The following RBBP6 variants were observed in gnomAD, a reference collection of about 807,000 sequenced individuals.
RBBP6 encodes the protein RB binding protein 6, ubiquitin ligase.
In RBBP6, 25 loss-of-function variants were observed where a neutral mutation model predicts 167.7. That is an observed-to-expected ratio of 0.15 (90% confidence interval 0.11 to 0.21). RBBP6 has a LOEUF of 0.21. RBBP6 is among the 10% of genes least tolerant of loss of function. RBBP6 has a pLI of 1.00. For missense variants in RBBP6, 1,868 were observed against 2,134.2 expected, an observed-to-expected ratio of 0.88 and a Z score of 2.46; for synonymous variants, 789 against 735.8, an observed-to-expected ratio of 1.07 and a Z score of -1.17.
intron 2 of RBBP6, 134 bp downstream of exon 2, chr16:24,546,396 A>G: frequency 9.1e-7 from 1 of 1,100,162 alleles, no homozygotes; most frequent in Non-Finnish European, 1.2e-6. Flanking sequence ...GACTGTGAGG[A>G]TAGTAGGTTT....
chr16:24,542,476 T>C (rs546463760), intron 1 of RBBP6, among the ~76,000 whole-genome samples: 4 of 146,874 alleles, frequency 2.7e-5, no homozygotes, highest in East Asian at 2.0e-4. Context: ...TTTTTTCCCC[T>C]GAAACAGAGT....
intron 7 of RBBP6, 86 bp downstream of exon 7, chr16:24,556,533 A>G: frequency 7.1e-7 from 1 of 1,410,622 alleles, no homozygotes; most frequent in Non-Finnish European, 9.4e-7. Context: ...TAACTTTGCT[A>G]CTTGGATTCC....
chr16:24,556,104 T>G (rs1218021149), intron 6 of RBBP6, among the ~76,000 whole-genome samples, 187 bp downstream of exon 6: 2 of 152,232 alleles, frequency 1.3e-5, no homozygotes, highest in East Asian at 3.8e-4. Context: ...GGCAAGTTAC[T>G]TGATCTCTAT....
intron 1 of RBBP6, among the ~76,000 whole-genome samples, chr16:24,544,308 G>A (rs891809432): frequency 3.3e-5 from 5 of 152,112 alleles, no homozygotes; most frequent in Non-Finnish European, 5.9e-5. Flanking sequence ...GGGCTATCAT[G>A]AACTGTCCAA....
At chr16:24,560,111 GTTT>G (rs1555472777) in intron 8 of RBBP6, among the ~76,000 whole-genome samples, 1 of 74,006 alleles carries the variant, frequency 1.4e-5, no homozygotes, top group Non-Finnish European at 2.8e-5. Context: ...GACAGTTTTT[GTTT>G]TTTTTTTTTT....
rs1484259808 is a variant in RBBP6 at position 24,569,941 on chromosome 16, T to C, written c.3251T>C (p.Ile1084Thr). ...SSSSSQKDEK[I>T]TGTPRKAHSK... ...TCTTCCTCTCAGAAGGATGAAAAAA[T>C]CACTGGAACCCCCAGAAAAGCTCAC... Residue 1084 changes from isoleucine (I) to threonine (T), a missense_variant, in exon 17 of 18, where the codon ATC becomes ACC. Ile to Thr is a moderately conservative substitution (Grantham distance 89). Transcript: ENST00000319715. The C allele has an allele frequency of 3.1e-6, 5 of 1,601,596 alleles. No homozygotes were observed. The highest frequency in any genetic ancestry group is 2.2e-5 in the East Asian group (1 of 44,782).
chr16:24,550,060 C>T (rs987001525), intron 3 of RBBP6, among the ~76,000 whole-genome samples: 1 of 151,892 alleles, frequency 6.6e-6, no homozygotes. Context: ...CATTTTAATG[C>T]CCAGGCTTGA....
At chr16:24,562,283 C>T (rs781454165) in intron 10 of RBBP6, 122 bp downstream of exon 10, 14 of 923,992 alleles carry the variant, frequency 1.5e-5, no homozygotes, top group Non-Finnish European at 2.3e-5. Context: ...TGTGGGATGA[C>T]TTGTAAGAAG....
intron 1 of RBBP6, among the ~76,000 whole-genome samples, chr16:24,545,716 T>C (rs1335711115): frequency 6.6e-6 from 1 of 152,244 alleles, no homozygotes; most frequent in East Asian, 1.9e-4. Flanking sequence ...AAAACCATTT[T>C]CTCTTTATTC....
chr16:24,562,959 A>G (rs369250488), intron 10 of RBBP6, among the ~76,000 whole-genome samples: 3 of 152,026 alleles, frequency 2.0e-5, no homozygotes, highest in East Asian at 3.9e-4. Flanking sequence ...TATTCTTGCA[A>G]CTGATTTCTG....
At chr16:24,560,613 A>G (rs967119695) in intron 8 of RBBP6, among the ~76,000 whole-genome samples, 3 of 152,322 alleles carry the variant, frequency 2.0e-5, no homozygotes, top group South Asian at 2.1e-4. Context: ...CCTCATACAC[A>G]TGGTTCTGCA....
rs1899368334 is a variant in RBBP6 at position 24,572,570 on chromosome 16, C to G, written c.*125C>G. The G allele has an allele frequency of 4.7e-6, 6 of 1,288,070 alleles. No homozygotes were observed. Among genetic ancestry groups the G allele is most frequent in the Non-Finnish European group, 6.2e-6 (6 of 974,888 alleles). The allele number at this position is 1,288,070 out of a possible 1,614,324, so 79.8% of individuals were successfully genotyped here. A position where few individuals can be genotyped will look rare whatever the true frequency, so the allele number is the denominator to read the frequency against. On this transcript the variant is annotated 3_prime_UTR_variant, in exon 18 of 18. Coordinates refer to ENST00000319715, the MANE Select transcript of RBBP6 (RefSeq NM_006910.5). The stretch of plus-strand genomic sequence containing the variant: ...ACCCTGTGCTGCACTTAAAATATTG[C>G]TGCTTGATTATTTGATTTTTACATC...
chr16:24,553,007 A>G (rs1038507580), intron 3 of RBBP6: 1 of 151,994 alleles, frequency 6.6e-6, no homozygotes, highest in African/African-American at 2.4e-5. Context: ...TGAGAGAATA[A>G]ACAAACTTAC....
chr16:24,552,010 A>T (rs1054884326), intron 3 of RBBP6, among the ~76,000 whole-genome samples: 5 of 151,740 alleles, frequency 3.3e-5, no homozygotes, highest in African/African-American at 9.7e-5. Context: ...AAAGGAAAAA[A>T]ATACTTAAAA....
At chr16:24,566,990 A>G (rs780158437) in intron 14 of RBBP6, among the ~76,000 whole-genome samples, 153 bp from the exon 15 acceptor site, 4 of 152,204 alleles carry the variant, frequency 2.6e-5, no homozygotes, top group Non-Finnish European at 5.9e-5. Context: ...TATTTTTACA[A>G]ATAAATTGTA....
chr16:24,571,288 T>G lies in RBBP6; in HGVS notation c.4222T>G (p.Tyr1408Asp), dbSNP rs1481178076. Residue 1408 changes from tyrosine (Y) to aspartate (D), a missense_variant, in exon 18 of 18, where the codon TAT becomes GAT. Coordinates refer to ENST00000319715, the MANE Select transcript of RBBP6 (RefSeq NM_006910.5). ...AAAAGGGAAAACCAAAGATCGAGAT[T>G]ATTCAGTGTTGGAAAAGGAGAACCC... ...SEKGKTKDRD[Y>D]SVLEKENPEK... The G allele has an allele frequency of 3.1e-6, 5 of 1,613,520 alleles. No homozygotes were observed. Among genetic ancestry groups the G allele is most frequent in the Non-Finnish European group, 4.2e-6 (5 of 1,179,862 alleles).
At chr16:24,568,263 A>C (rs561037765) in intron 16 of RBBP6, among the ~76,000 whole-genome samples, 1 of 152,346 alleles carries the variant, frequency 6.6e-6, no homozygotes, top group East Asian at 1.9e-4. Flanking sequence ...CGTAATTATG[A>C]AGTAGTAGTA....
intron 3 of RBBP6, among the ~76,000 whole-genome samples, chr16:24,549,691 A>AT (rs1898750601): frequency 6.6e-6 from 1 of 151,960 alleles, no homozygotes; most frequent in Non-Finnish European, 1.5e-5. Flanking sequence ...TGTCTTAGTG[A>AT]TTTTGAGTTT....
intron 4 of RBBP6, 186 bp downstream of exon 4, chr16:24,553,743 G>C: frequency 2.6e-6 from 1 of 383,260 alleles, no homozygotes; most frequent in Non-Finnish European, 4.7e-6. Context: ...GTCAGCCTCA[G>C]CGTATTGGAG....
Sources: allele counts gnomAD v4.1 joint callset (sites outside exome capture counted in the v4.1 genomes callset), GRCh38; gene constraint gnomAD v4.1.1; transcripts MANE v1.5; gene names NCBI Gene and HGNC (gene_info 2026-07-23, HGNC 2026-07-21).